Variants in EYS observed in about 807,000 individuals in gnomAD.
EYS encodes the protein protein eyes shut homolog.
Under a neutral mutation model 282.1 loss-of-function variants are expected in EYS, and 250 were observed. The observed-to-expected ratio is 0.89, with a 90% CI of 0.80 to 0.98. The LOEUF is 0.98. Among genes scored for constraint, EYS ranks in the 50% least tolerant of loss-of-function variants. The pLI, the probability that EYS is intolerant of heterozygous loss-of-function variation, is 0.00. For synonymous variants in EYS, 1,355 were observed against 1,282.9 expected, an observed-to-expected ratio of 1.06 and a Z score of -1.20; for missense variants, 4,016 against 3,709.0, an observed-to-expected ratio of 1.08 and a Z score of -2.15.
intron 11 of EYS, among the ~76,000 whole-genome samples, chr6:65,306,859 A>AAAAAG (rs1346343044): frequency 7.0e-6 from 1 of 142,398 alleles, no homozygotes; most frequent in African/African-American, 2.6e-5. Flanking sequence ...AAAAAAAAAA[A>AAAAAG]AAAGAAAGTC....
intron 36 of EYS, among the ~76,000 whole-genome samples, chr6:63,808,031 G>A (rs1457396591): frequency 6.6e-6 from 1 of 152,104 alleles, no homozygotes; most frequent in East Asian, 1.9e-4. Context: ...TCTACCTAAA[G>A]GTTACATTTA....
chr6:64,827,599 T>C (rs1467639063), intron 19 of EYS, among the ~76,000 whole-genome samples: 1 of 151,860 alleles, frequency 6.6e-6, no homozygotes, highest in East Asian at 1.9e-4. Context: ...ATCAAGTTAA[T>C]ACAGGCATAC....
intron 30 of EYS, among the ~76,000 whole-genome samples, chr6:64,268,455 T>C (rs1312027609): frequency 6.6e-6 from 1 of 151,990 alleles, no homozygotes; most frequent in Non-Finnish European, 1.5e-5. Flanking sequence ...ACATATATGA[T>C]TTACATAATA....
chr6:65,225,748 C>G (rs1461600455), intron 12 of EYS, among the ~76,000 whole-genome samples: 3 of 148,894 alleles, frequency 2.0e-5, no homozygotes, highest in East Asian at 3.9e-4. Context: ...AAAAGAAAAC[C>G]AATCCACGTA....
chr6:63,902,946 G>C (rs1247081133), intron 35 of EYS, among the ~76,000 whole-genome samples: 1 of 152,182 alleles, frequency 6.6e-6, no homozygotes, highest in Non-Finnish European at 1.5e-5. Context: ...TAGGGGAGAA[G>C]GTGCTAGGTG....
In EYS at chr6:65,663,673, C is replaced by CTTTA. The variant is rs560542517; in HGVS notation, c.-447-23785_-447-23782dup. Reference sequence around the variant, plus strand: ...TAGATACATCATTAGTAGATAAAATCTTTATTTATTTATTTATTTATTTTT... The same window carrying CTTTA: ...TAGATACATCATTAGTAGATAAAATCTTTATTTATTTATTTATTTATTTATTTTT... On this transcript the variant is annotated intron_variant, in intron 1 of 42. Transcript: ENST00000503581. 6.7e-3 allele frequency among the ~76,000 whole-genome samples: 1,013 copies of CTTTA among 151,668 alleles called. 14 individuals are homozygous for CTTTA. Among genetic ancestry groups the CTTTA allele is most frequent in the African/African-American group, 0.023 (953 of 41,390 alleles).
intron 12 of EYS, among the ~76,000 whole-genome samples, chr6:65,208,655 T>C (rs576212373): frequency 2.6e-5 from 4 of 152,000 alleles, no homozygotes; most frequent in African/African-American, 4.8e-5. Context: ...TGCTGCAACA[T>C]GGATAGAGCT....
chr6:65,658,531 A>G (rs1011516551), intron 1 of EYS, among the ~76,000 whole-genome samples: 2 of 151,544 alleles, frequency 1.3e-5, no homozygotes, highest in Non-Finnish European at 3.0e-5. Context: ...ATATTAATAA[A>G]CTCCCTGAAA....
At chr6:65,177,684 T>C (rs1031219400) in intron 12 of EYS, among the ~76,000 whole-genome samples, 2 of 151,890 alleles carry the variant, frequency 1.3e-5, no homozygotes, top group African/African-American at 4.8e-5. Context: ...CCAGTTTCTC[T>C]AAATGGACAA....
intron 42 of EYS, among the ~76,000 whole-genome samples, chr6:63,725,325 A>G (rs1420963968): frequency 1.3e-5 from 2 of 151,654 alleles, no homozygotes; most frequent in African/African-American, 4.9e-5. Flanking sequence ...TCATATACAC[A>G]AACAAATATG....
chr6:64,958,300 T>C (rs903879317), intron 14 of EYS, among the ~76,000 whole-genome samples: 1 of 152,096 alleles, frequency 6.6e-6, no homozygotes, highest in Non-Finnish European at 1.5e-5. Context: ...GAGAGTCGCC[T>C]GAGTCCGGGA....
chr6:64,841,355 T>G (rs927408183), intron 19 of EYS, among the ~76,000 whole-genome samples: 12 of 152,168 alleles, frequency 7.9e-5, no homozygotes, highest in Non-Finnish European at 1.8e-4. Flanking sequence ...ACTCTATTAC[T>G]GTATTATTTT....
At chr6:63,916,043 G>A (rs564436985) in intron 35 of EYS, among the ~76,000 whole-genome samples, 158 of 152,310 alleles carry the variant, frequency 1.0e-3, no homozygotes, top group African/African-American at 3.7e-3. Flanking sequence ...TGGGTAAAAT[G>A]CTATCAAACA....
Position 65,694,742 on chromosome 6 carries a change from T to TAA in EYS, c.-448+12391_-448+12392dup, listed in dbSNP as rs34494006. Among the ~76,000 whole-genome samples the TAA allele has an allele frequency of 2.6e-3, 354 of 135,454 alleles. 14 individuals are homozygous for TAA. Among genetic ancestry groups the TAA allele is most frequent in the East Asian group, 0.01 (33 of 3,234 alleles). 88.9% of individuals were successfully genotyped at this position (135,454 alleles called of 152,430 possible). On this transcript the variant is annotated intron_variant, in intron 1 of 42. Coordinates refer to ENST00000503581, the MANE Select transcript of EYS (RefSeq NM_001142800.2). ...GTAAACCATTGGCTTGTTGTAGATT[T>TAA]AAAAAAAAAAAAAAAACTTTGTAAA...
intron 2 of EYS, among the ~76,000 whole-genome samples, chr6:65,545,947 A>G (rs1359267667): frequency 1.3e-5 from 2 of 152,128 alleles, no homozygotes; most frequent in Non-Finnish European, 2.9e-5. Context: ...TATATTATTT[A>G]GCAAACTTAT....
intron 30 of EYS, among the ~76,000 whole-genome samples, chr6:64,260,644 G>T (rs1478215831): frequency 2.0e-5 from 3 of 151,854 alleles, no homozygotes; most frequent in Admixed American, 2.0e-4. Flanking sequence ...AGTCTTTATA[G>T]CAATATTGTA....
intron 2 of EYS, among the ~76,000 whole-genome samples, chr6:65,591,400 C>G (rs764067532): frequency 1.3e-5 from 2 of 151,542 alleles, no homozygotes; most frequent in Non-Finnish European, 3.0e-5. Flanking sequence ...GTGTGTGTTT[C>G]TCATAATGCC....
At chr6:63,779,728 C>A (rs1394925346) in intron 39 of EYS, among the ~76,000 whole-genome samples, 1 of 147,694 alleles carries the variant, frequency 6.8e-6, no homozygotes, top group African/African-American at 2.5e-5. Flanking sequence ...TTTTTGGAGG[C>A]ATAAAAAGCT....
chr6:65,621,939 T>C (rs1766514633), intron 2 of EYS, among the ~76,000 whole-genome samples: 1 of 152,180 alleles, frequency 6.6e-6, no homozygotes, highest in Non-Finnish European at 1.5e-5. Flanking sequence ...TGTTATGCTT[T>C]CACTAATCTT....
Sources: allele counts gnomAD v4.1 joint callset (sites outside exome capture counted in the v4.1 genomes callset), GRCh38; gene constraint gnomAD v4.1.1; transcripts MANE v1.5; gene names NCBI Gene and HGNC (gene_info 2026-07-23, HGNC 2026-07-21).